Variants in C12orf75 observed in about 807,000 individuals in gnomAD.
C12orf75 encodes overexpressed in colon carcinoma 1 protein.
C12orf75 carries 4 observed loss-of-function variants against 11.4 expected under a neutral mutation model. That is an observed-to-expected ratio of 0.35 (90% confidence interval 0.17 to 0.80). The LOEUF is 0.80. C12orf75 is among the 30% of genes least tolerant of loss of function. The pLI, the probability that C12orf75 is intolerant of heterozygous loss-of-function variation, is 0.52. For missense variants in C12orf75, 89 were observed against 80.4 expected, an observed-to-expected ratio of 1.11 and a Z score of -0.41; for synonymous variants, 30 against 30.0, an observed-to-expected ratio of 1.00 and a Z score of 0.00.
chr12:105,360,894 G>A (rs1276254576), intron 2 of C12orf75, among the ~76,000 whole-genome samples: 1 of 152,076 alleles, frequency 6.6e-6, no homozygotes, highest in African/African-American at 2.4e-5. Context: ...TCCTGCCTCA[G>A]CCTCCCGAGT....
chr12:105,358,932 CA>C (rs1344845855), intron 2 of C12orf75, among the ~76,000 whole-genome samples: 2 of 152,202 alleles, frequency 1.3e-5, no homozygotes, highest in African/African-American at 2.4e-5. Context: ...ATGTTTCGAC[CA>C]AACCCCAGCA....
chr12:105,355,173 T>C (rs1248972148), intron 2 of C12orf75, among the ~76,000 whole-genome samples: 2 of 131,092 alleles, frequency 1.5e-5, no homozygotes, highest in Admixed American at 8.0e-5. Context: ...TTTTTCTTTT[T>C]CTTTTTCTTT....
intron 2 of C12orf75, among the ~76,000 whole-genome samples, chr12:105,349,851 TG>T (rs1892688196): frequency 6.6e-6 from 1 of 152,102 alleles, no homozygotes; most frequent in African/African-American, 2.4e-5. Context: ...CACTCCAGCC[TG>T]GGTGACAGAG....
At chr12:105,352,044 A>T (rs1310641158) in intron 2 of C12orf75, among the ~76,000 whole-genome samples, 22 of 152,182 alleles carry the variant, frequency 1.4e-4, no homozygotes, top group Admixed American at 1.4e-3. Flanking sequence ...GAGGTGATAC[A>T]AACAAGATGC....
intron 5 of C12orf75, among the ~76,000 whole-genome samples, chr12:105,367,886 G>A (rs895027474): frequency 2.0e-5 from 3 of 152,122 alleles, no homozygotes; most frequent in Non-Finnish European, 2.9e-5. Context: ...GATTTTAAGT[G>A]GTATTAGCCA....
intron 1 of C12orf75, among the ~76,000 whole-genome samples, chr12:105,343,414 T>C (rs1238731428): frequency 6.6e-6 from 1 of 152,244 alleles, no homozygotes; most frequent in Non-Finnish European, 1.5e-5. Context: ...TGTAACATTA[T>C]ACATATTTGC....
At chr12:105,357,435 C>T (rs1431948044) in intron 2 of C12orf75, among the ~76,000 whole-genome samples, 1 of 152,132 alleles carries the variant, frequency 6.6e-6, no homozygotes, top group East Asian at 1.9e-4. Flanking sequence ...TATCACTAAA[C>T]AGTATCTTAC....
chr12:105,353,632 T>C (rs1447181375), intron 2 of C12orf75: 1 of 152,252 alleles, frequency 6.6e-6, no homozygotes, highest in Admixed American at 6.5e-5. Context: ...GAAAGCATTT[T>C]TTTTTGTAGA....
chr12:105,348,588 C>CT lies in C12orf75; in HGVS notation c.47-7dup. On this transcript the variant is annotated splice_polypyrimidine_tract_variant and intron_variant, in intron 1 of 5. Coordinates refer to ENST00000443585, the MANE Select transcript of C12orf75 (RefSeq NM_001145199.2). ...TATCACACCAATACAAACCTATCTT[C>CT]TTTTTTTCTCTAGGCCCTGCAGGAG... is the stretch of plus-strand genomic sequence containing the variant. The CT allele has an allele frequency of 3.3e-6, 5 of 1,526,430 alleles. No homozygotes were observed. Among genetic ancestry groups the CT allele is most frequent in the Admixed American group, 2.1e-5 (1 of 48,660 alleles). The allele number at this position is 1,526,430 out of a possible 1,614,324, so 94.6% of individuals were successfully genotyped here. A position where few individuals can be genotyped will look rare whatever the true frequency, so the allele number is the denominator to read the frequency against.
In C12orf75 at chr12:105,365,816, A is replaced by G. The variant is rs1871455058; in HGVS notation, c.81A>G (p.Glu27=). 1.9e-6 allele frequency: 3 copies of G among 1,549,524 alleles called. No individual in the cohort carries two copies. The highest frequency in any genetic ancestry group is 1.2e-5 in the South Asian group (1 of 84,018). ...GTTTCTGACCTTTTAGAACAGAAGA[A>G]TCCGTAACAGAAGATGACAAGAGGA... is the stretch of plus-strand genomic sequence containing the variant. ...PAGAAKDVTE[E]SVTEDDKRRN... The change falls in exon 3 of 6, where the codon GAA becomes GAG. Residue 27 remains glutamate, a synonymous_variant. Coordinates refer to ENST00000443585, the MANE Select transcript of C12orf75 (RefSeq NM_001145199.2).
chr12:105,353,855 A>T (rs910726980), intron 2 of C12orf75, among the ~76,000 whole-genome samples: 2 of 152,252 alleles, frequency 1.3e-5, no homozygotes, highest in Non-Finnish European at 2.9e-5. Flanking sequence ...TCTTACTGAG[A>T]TTCTTTCCTT....
Position 105,330,800 on chromosome 12 carries a change from C to T in C12orf75, c.-92C>T. The T allele has an allele frequency of 8.4e-7, 1 of 1,194,836 alleles. No homozygotes were observed. The highest frequency in any genetic ancestry group is 1.0e-6 in the Non-Finnish European group (1 of 960,704). The allele number at this position is 1,194,836 out of a possible 1,614,324, so 74.0% of individuals were successfully genotyped here. A position where few individuals can be genotyped will look rare whatever the true frequency, so the allele number is the denominator to read the frequency against. ...GGCCCCTCGCGGCCCCGTCAGCCTCCCGCTCGGGGTGCGCCGCCCTTCGTC... is the reference window on the plus strand; with the variant it reads ...GGCCCCTCGCGGCCCCGTCAGCCTCTCGCTCGGGGTGCGCCGCCCTTCGTC... On this transcript the variant is annotated 5_prime_UTR_variant, in exon 1 of 6. Coordinates refer to ENST00000443585, the MANE Select transcript of C12orf75 (RefSeq NM_001145199.2).
chr12:105,334,150 A>C (rs995132810), intron 1 of C12orf75, among the ~76,000 whole-genome samples: 1 of 152,230 alleles, frequency 6.6e-6, no homozygotes, highest in Non-Finnish European at 1.5e-5. Flanking sequence ...AATTCTGGGT[A>C]GACTTGCCCC....
chr12:105,349,383 G>C (rs1231873920), intron 2 of C12orf75, among the ~76,000 whole-genome samples: 1 of 152,186 alleles, frequency 6.6e-6, no homozygotes, highest in South Asian at 2.1e-4. Context: ...GAGGCTTTCT[G>C]GGGAGAGCAG....
chr12:105,333,108 A>G (rs541587124), intron 1 of C12orf75, among the ~76,000 whole-genome samples: 2 of 152,182 alleles, frequency 1.3e-5, no homozygotes, highest in South Asian at 2.1e-4. Flanking sequence ...AGGAGACAAC[A>G]TGATGAGCAG....
chr12:105,345,176 C>G (rs953874735), intron 1 of C12orf75, among the ~76,000 whole-genome samples: 19 of 152,098 alleles, frequency 1.2e-4, no homozygotes, highest in Non-Finnish European at 1.3e-4. Flanking sequence ...CAGTAAGATA[C>G]CAACATGACA....
intron 1 of C12orf75, among the ~76,000 whole-genome samples, chr12:105,337,144 C>T (rs182445734): frequency 1.3e-3 from 200 of 151,944 alleles, no homozygotes; most frequent in African/African-American, 4.6e-3. Context: ...GCTGACATGG[C>T]GAAACCCCAT....
Position 105,330,945 on chromosome 12 carries a change from C to G in C12orf75, c.46+8C>G, listed in dbSNP as rs1892414124. On this transcript the variant is annotated splice_region_variant and intron_variant, in intron 1 of 5. Transcript: ENST00000443585. ...GCGCGGGCGCGGGCCAAGGTGAGTC[C>G]GGCGGGAGGCGGGGGCCGGCGGGGG... The G allele has an allele frequency of 1.7e-6, 2 of 1,202,568 alleles. No homozygotes were observed. The highest frequency in any genetic ancestry group is 8.5e-5 in the Admixed American group (2 of 23,440). The allele number at this position is 1,202,568 out of a possible 1,614,324, so 74.5% of individuals were successfully genotyped here.
chr12:105,343,426 TAATA>T (rs1323790487), intron 1 of C12orf75, among the ~76,000 whole-genome samples: 1 of 152,234 alleles, frequency 6.6e-6, no homozygotes, highest in Non-Finnish European at 1.5e-5. Flanking sequence ...CATATTTGCT[TAATA>T]AATGATAAAG....
Sources: gnomAD v4.1 joint callset for allele counts (sites outside exome capture counted in the v4.1 genomes callset) on GRCh38, gnomAD v4.1.1 for gene constraint, MANE v1.5 for transcripts, NCBI Gene and HGNC (gene_info 2026-07-23, HGNC 2026-07-21) for gene names.